NRG1: variants seen among roughly 807,000 people sequenced by gnomAD.
NRG1 encodes neuregulin 1.
NRG1 carries 18 observed loss-of-function variants against 63.8 expected under a neutral mutation model. That is an observed-to-expected ratio of 0.28 (90% CI 0.19 to 0.42). The LOEUF (loss-of-function observed/expected upper bound fraction) is 0.42. NRG1 is among the 10% of genes least tolerant of loss of function. The probability of loss-of-function intolerance (pLI) is 1.00; values close to 1 mark genes in which losing one functional copy is unlikely to be tolerated. For synonymous variants in NRG1, 302 were observed against 301.3 expected (o/e 1.00, Z -0.02); for missense variants, 762 against 814.7 (o/e 0.94, Z 0.79).
chr8:32,321,064 G>A (rs949578100), intron 1 of NRG1, among the ~76,000 whole-genome samples: 1 of 152,046 alleles, frequency 6.6e-6, no homozygotes, highest in Non-Finnish European at 1.5e-5. Context: ...AATATCCTAT[G>A]TTATTAGATG....
Position 31,730,527 on chromosome 8 carries a change from G to A in NRG1, c.37+91096G>A, listed in dbSNP as rs1312128663. ...TGTTTCAAATTAATGGGGAAAGATA[G>A]ATTGGGGAACAGATGGGCGTCAGAC... On this transcript the variant is annotated intron_variant, in intron 1 of 10. Transcript: ENST00000519301. 3.3e-5 allele frequency among the ~76,000 whole-genome samples: 5 copies of A among 152,142 alleles called. No individual in the cohort carries two copies. The East Asian group carries it at 9.6e-4, about 29-fold the overall frequency.
chr8:32,415,965 C>T (rs1465190358), intron 1 of NRG1, among the ~76,000 whole-genome samples: 2 of 152,278 alleles, frequency 1.3e-5, no homozygotes, highest in African/African-American at 2.4e-5. Context: ...CACACTGCAG[C>T]CTTTAGTAGG....
At chr8:32,679,762 T>C (rs1403609105) in intron 5 of NRG1, among the ~76,000 whole-genome samples, 1 of 152,242 alleles carries the variant, frequency 6.6e-6, no homozygotes, top group African/African-American at 2.4e-5. Flanking sequence ...TCTGATCTTA[T>C]GTGTTCACCT....
intron 1 of NRG1, among the ~76,000 whole-genome samples, chr8:32,553,805 G>A (rs1459402563): frequency 6.6e-6 from 1 of 152,132 alleles, no homozygotes; most frequent in Non-Finnish European, 1.5e-5. Context: ...AGAATTGAGT[G>A]CAGGTGTTTC....
chr8:31,830,892 C>T lies in NRG1; in HGVS notation c.37+191461C>T, dbSNP rs547039736. 2.6e-5 allele frequency among the ~76,000 whole-genome samples: 4 copies of T among 152,248 alleles called. 1 individual carries two copies. The highest frequency in any genetic ancestry group is 9.6e-5 in the African/African-American group (4 of 41,552). Reference sequence around the variant, plus strand: ...TGCTGATAAGTCTCAGTCTCAGCCCCTCCCCCAATACCACCATCCACTTTA... The same window carrying T: ...TGCTGATAAGTCTCAGTCTCAGCCCTTCCCCCAATACCACCATCCACTTTA... On this transcript the variant is annotated intron_variant, in intron 1 of 10. Transcript: ENST00000519301.
chr8:31,840,349 C>CTTTTTT (rs71992716), intron 1 of NRG1, among the ~76,000 whole-genome samples: 47,532 of 114,888 alleles, frequency 0.41, 9,690 homozygotes, highest in South Asian at 0.57. Context: ...TATTCTCTGT[C>CTTTTTT]TTTTTTTTTT....
chr8:32,613,433 T>C (rs150890246), intron 3 of NRG1, among the ~76,000 whole-genome samples: 396 of 152,166 alleles, frequency 2.6e-3, no homozygotes, highest in African/African-American at 9.3e-3. Context: ...TGATTCTGCT[T>C]ACCTGCTAGA....
At chr8:32,559,301 A>G (rs190675125) in intron 1 of NRG1, among the ~76,000 whole-genome samples, 12 of 146,830 alleles carry the variant, frequency 8.2e-5, no homozygotes, top group Non-Finnish European at 1.5e-4. Context: ...GTTTTTGATT[A>G]TGAATACAGC....
chr8:32,544,679 CTT>C (rs755780220), upstream of NRG1, among the ~76,000 whole-genome samples: 43 of 80,466 alleles, frequency 5.3e-4, no homozygotes, highest in Non-Finnish European at 8.6e-4. Context: ...ATTTTTGTAT[CTT>C]TTTTTTTTTT....
chr8:32,698,070 G>C (rs544091279), intron 5 of NRG1, among the ~76,000 whole-genome samples: 49 of 152,202 alleles, frequency 3.2e-4, no homozygotes, highest in African/African-American at 1.2e-3. Flanking sequence ...GCTGAGCATG[G>C]TGGCACATGC....
At position 31,640,786 on chromosome 8, in the gene NRG1, G is replaced by T. The variant is rs1246800924; in HGVS notation, c.37+1355G>T. The T allele has an allele frequency of 2.8e-6, 4 of 1,442,072 alleles. No homozygotes were observed. The highest frequency in any genetic ancestry group is 3.6e-6 in the Non-Finnish European group (4 of 1,097,398). The allele number at this position is 1,442,072 out of a possible 1,614,324, so 89.3% of individuals were successfully genotyped here. A position where few individuals can be genotyped will look rare whatever the true frequency, so the allele number is the denominator to read the frequency against. ...GCGGCGAGGAGGGCGCATCCCGGGC[G>T]CGCGGGCAGCGGGGCTCGACGGCCG... On this transcript the variant is annotated intron_variant, in intron 1 of 10. Transcript: ENST00000519301. This position sits in a 1 kb window ranked among gnomAD's most constrained non-coding sequence, Gnocchi z 6.3.
chr8:32,356,482 C>CCCCCG (rs1554517234), intron 1 of NRG1, among the ~76,000 whole-genome samples: 1 of 131,672 alleles, frequency 7.6e-6, no homozygotes. Context: ...GGACCCCCCC[C>CCCCCG]CCACCCGCCG....
At chr8:32,535,135 CCT>C (rs749481350) in intron 1 of NRG1, among the ~76,000 whole-genome samples, 1 of 151,914 alleles carries the variant, frequency 6.6e-6, no homozygotes, top group Admixed American at 6.6e-5. Flanking sequence ...AATATTTTAC[CCT>C]GTTTTTGTGT....
chr8:31,830,948 A>G (rs572865201), intron 1 of NRG1, among the ~76,000 whole-genome samples: 1 of 152,212 alleles, frequency 6.6e-6, no homozygotes, highest in South Asian at 2.1e-4. Context: ...TTCCCTTGAA[A>G]CACTGTATGG....
chr8:32,664,312 A>C (rs1235996770), intron 5 of NRG1, among the ~76,000 whole-genome samples: 6 of 151,942 alleles, frequency 3.9e-5, no homozygotes, highest in Non-Finnish European at 1.5e-5. Flanking sequence ...AAAAAAAAAA[A>C]CCAAAAAGGA....
intron 1 of NRG1, among the ~76,000 whole-genome samples, chr8:32,048,254 C>CATAT (rs1316990966): frequency 6.7e-6 from 1 of 149,808 alleles, no homozygotes; most frequent in Non-Finnish European, 1.5e-5. Flanking sequence ...ATACTTATTT[C>CATAT]ATATATATGT....
intron 1 of NRG1, among the ~76,000 whole-genome samples, chr8:32,113,243 A>G (rs1372642771): frequency 6.6e-6 from 1 of 152,184 alleles, no homozygotes; most frequent in Non-Finnish European, 1.5e-5. Flanking sequence ...AGGCAGTAGT[A>G]GGAGACTGAT....
intron 1 of NRG1, among the ~76,000 whole-genome samples, chr8:32,408,716 C>A (rs1033592843): frequency 6.6e-6 from 1 of 152,104 alleles, no homozygotes; most frequent in African/African-American, 2.4e-5. Flanking sequence ...ATTTTATAAA[C>A]AAGAAGGCTG....
intron 1 of NRG1, among the ~76,000 whole-genome samples, chr8:32,305,822 A>G (rs1856129885): frequency 6.6e-6 from 1 of 152,238 alleles, no homozygotes; most frequent in African/African-American, 2.4e-5. Context: ...AGTCACGTGC[A>G]TGTTCAAGTT....
Sources: allele counts gnomAD v4.1 joint callset (sites outside exome capture counted in the v4.1 genomes callset), GRCh38; gene constraint gnomAD v4.1.1; non-coding constraint Gnocchi (gnomAD v3.1); transcripts MANE v1.5; gene names NCBI Gene and HGNC (gene_info 2026-07-23, HGNC 2026-07-21).